The following IKBKE variants were observed in gnomAD, a reference collection of about 807,000 sequenced individuals.
IKBKE encodes inhibitor of nuclear factor kappa-B kinase subunit epsilon.
IKBKE carries 45 observed loss-of-function variants against 92.1 expected under a neutral mutation model. The ratio of observed to expected loss-of-function variants is 0.49; its 90% CI spans 0.38 to 0.63. The LOEUF is 0.63. Ranked by LOEUF, IKBKE falls within the 20% of genes least tolerant of loss-of-function variation. The pLI is 0.00. For missense variants in IKBKE, 700 were observed against 932.8 expected, an observed-to-expected ratio of 0.75 and a Z score of 3.25; for synonymous variants, 374 against 380.3, an observed-to-expected ratio of 0.98 and a Z score of 0.19.
At chr1:206,488,771 A>C (rs368054998) in intron 16 of IKBKE, among the ~76,000 whole-genome samples, 26 of 152,192 alleles carry the variant, frequency 1.7e-4, no homozygotes, top group African/African-American at 6.0e-4. Context: ...TTATCTAAAA[A>C]CCACTGTCCA....
intron 13 of IKBKE, among the ~76,000 whole-genome samples, chr1:206,484,427 T>C (rs1211224241): frequency 2.0e-5 from 3 of 152,206 alleles, no homozygotes; most frequent in Non-Finnish European, 4.4e-5. Flanking sequence ...TACCGTTACA[T>C]TGTCCCTGTA....
At position 206,496,441 on chromosome 1, in the gene IKBKE, C is replaced by T. The variant is rs1167766733; in HGVS notation, c.*296C>T. The T allele has an allele frequency of 4.5e-6, 2 of 439,648 alleles. No individual in the cohort carries two copies. The highest frequency in any genetic ancestry group is 8.3e-6 in the Non-Finnish European group (2 of 242,198). The allele number at this position is 439,648 out of a possible 1,614,324, so 27.2% of individuals were successfully genotyped here. Reference sequence around the variant, plus strand: ...GGCTCAGGTACTGCTCCTCCATGCCCATGGCTGGGCCGTGGGGAGAAGAAG... The same window carrying T: ...GGCTCAGGTACTGCTCCTCCATGCCTATGGCTGGGCCGTGGGGAGAAGAAG... On this transcript the variant is annotated 3_prime_UTR_variant, in exon 22 of 22. Coordinates refer to ENST00000581977, the MANE Select transcript of IKBKE (RefSeq NM_014002.4).
In IKBKE at chr1:206,474,354, G is replaced by A; in HGVS notation, c.111G>A (p.Val37=). ...RNKKSGELVA[V]KVFNTTSYLR... Reference sequence around the variant, plus strand: ...AGAAATCCGGAGAGCTGGTTGCTGTGAAGGTCTTCAACACTACCAGCTACC... The same window carrying A: ...AGAAATCCGGAGAGCTGGTTGCTGTAAAGGTCTTCAACACTACCAGCTACC... Residue 37 remains valine, a synonymous_variant, in exon 4 of 22, where the codon GTG becomes GTA. Coordinates refer to ENST00000581977, the MANE Select transcript of IKBKE (RefSeq NM_014002.4). 1 of 1,613,994 alleles carries A rather than the reference G, an allele frequency of 6.2e-7. No homozygotes were observed. The highest frequency in any genetic ancestry group is 1.1e-5 in the South Asian group (1 of 91,068).
intron 5 of IKBKE, among the ~76,000 whole-genome samples, chr1:206,475,405 G>A (rs1396160065): frequency 6.6e-6 from 1 of 152,190 alleles, no homozygotes; most frequent in Non-Finnish European, 1.5e-5. Flanking sequence ...GGGGGCAGAG[G>A]AGAATGAGGA....
Position 206,494,005 on chromosome 1 carries a change from A to C in IKBKE, c.2117+14A>C, listed in dbSNP as rs782600410. ...CATCATCGAACGGTAAGGAGCTTTC[A>C]CCTTGTGTAGGTCAGGGCCGGGTCT... On this transcript the variant is annotated intron_variant, in intron 21 of 21. Coordinates refer to ENST00000581977, the MANE Select transcript of IKBKE (RefSeq NM_014002.4). The C allele has an allele frequency of 8.7e-6, 14 of 1,612,536 alleles. No individual in the cohort carries two copies. Among genetic ancestry groups the C allele is most frequent in the Non-Finnish European group, 1.1e-5 (13 of 1,178,804 alleles).
At position 206,493,104 on chromosome 1, in the gene IKBKE, G is replaced by A. The variant is rs1284964140; in HGVS notation, c.1917G>A (p.Gln639=). The A allele has an allele frequency of 2.5e-6, 4 of 1,592,376 alleles. No individual in the cohort carries two copies. The highest frequency in any genetic ancestry group is 1.7e-6 in the Non-Finnish European group (2 of 1,170,504). The change falls in exon 19 of 22, where the codon CAG becomes CAA. Residue 639 remains glutamine, a synonymous_variant. Coordinates refer to ENST00000581977, the MANE Select transcript of IKBKE (RefSeq NM_014002.4). ...AACNTEAQGV[Q]ESLSKLLEEL... is the part of the protein sequence containing the mutation. ...GTAACACAGAAGCCCAGGGGGTCCA[G>A]GAGAGTCTCAGCAAGGTGGGCATGG...
chr1:206,480,862 T>C (rs1393283681), intron 13 of IKBKE, among the ~76,000 whole-genome samples: 1 of 152,168 alleles, frequency 6.6e-6, no homozygotes, highest in Non-Finnish European at 1.5e-5. Context: ...GCTCACCCTA[T>C]GCCAAGTGCC....
rs141003735 is a variant in IKBKE at position 206,485,284 on chromosome 1, G to T, written c.1594G>T (p.Asp532Tyr). The change falls in exon 15 of 22, where the codon GAT becomes TAT. Residue 532 changes from aspartate to tyrosine, a missense_variant. By Grantham distance (160) the Asp-to-Tyr change is radical (BLOSUM62 -3). Transcript: ENST00000581977. The surrounding 1 kb of genome is among the most constrained non-coding windows in gnomAD (Gnocchi z 5.0). ...SLNRELVKSR[D>Y]QVHEDRSIQQ... ...GAACCGGGAGCTGGTGAAGAGCCGGGATCAGGTACATGAGGACAGAAGGTC... is the reference window on the plus strand; with the variant it reads ...GAACCGGGAGCTGGTGAAGAGCCGGTATCAGGTACATGAGGACAGAAGGTC... 2.0e-4 allele frequency: 321 copies of T among 1,611,686 alleles called. 1 individual carries two copies. In the African/African-American group the frequency reaches 3.6e-3, roughly 18 times the overall value.
At chr1:206,475,303 G>A (rs552459998) in intron 5 of IKBKE, among the ~76,000 whole-genome samples, 4 of 152,320 alleles carry the variant, frequency 2.6e-5, no homozygotes, top group Non-Finnish European at 5.9e-5. Context: ...ATTATGTTAA[G>A]TGAAAAAAGC....
Position 206,480,151 on chromosome 1 carries a change from G to A in IKBKE, c.1340+38G>A, listed in dbSNP as rs200334664. On this transcript the variant is annotated intron_variant, in intron 12 of 21. Coordinates refer to ENST00000581977, the MANE Select transcript of IKBKE (RefSeq NM_014002.4). ...GAGGGCTGGGCACAGAGGGGGAGGC[G>A]GGCAGGAGAGGGAGGCGGACAGGAG... 400 of 1,413,870 alleles carry A rather than the reference G, an allele frequency of 2.8e-4. 1 individual carries two copies. In the African/African-American group the frequency reaches 4.0e-3, roughly 14 times the overall value. The allele number at this position is 1,413,870 out of a possible 1,614,324, so 87.6% of individuals were successfully genotyped here.
At position 206,475,754 on chromosome 1, in the gene IKBKE, T is replaced by C. The variant is rs184087758; in HGVS notation, c.359-427T>C. Among the ~76,000 whole-genome samples, 734 of 119,896 alleles carry C rather than the reference T, an allele frequency of 6.1e-3. 18 individuals carry two copies. The highest frequency in any genetic ancestry group is 0.03 in the African/African-American group (674 of 22,284). 78.7% of individuals were successfully genotyped at this position (119,896 alleles called of 152,430 possible). ...TCTGTCTCCAAAAAAAAAAAAAAAA[T>C]TGGAGAATGAGAAAAGTTCTAAGAT... On this transcript the variant is annotated intron_variant, in intron 5 of 21. Transcript: ENST00000581977.
intron 16 of IKBKE, among the ~76,000 whole-genome samples, chr1:206,488,783 T>G (rs1277372275): frequency 6.6e-6 from 1 of 152,144 alleles, no homozygotes; most frequent in African/African-American, 2.4e-5. Context: ...CACTGTCCAA[T>G]AGAAATATAA....
chr1:206,485,694 T>G lies in IKBKE; in HGVS notation c.1616+388T>G, dbSNP rs2103473454. On this transcript the variant is annotated intron_variant, in intron 15 of 21. Transcript: ENST00000581977. This position sits in a 1 kb window ranked among gnomAD's most constrained non-coding sequence, Gnocchi z 5.0. ...AATGATGCTATGATAATGCCCTTTT[T>G]ATAGAACCTCAGTCAGTGAGGTTAA... 6.6e-6 allele frequency among the ~76,000 whole-genome samples: 1 copy of G among 152,316 alleles called. No individual in the cohort carries two copies. Among genetic ancestry groups the G allele is most frequent in the African/African-American group, 2.4e-5 (1 of 41,572 alleles).
At position 206,493,071 on chromosome 1, in the gene IKBKE, G is replaced by A. The variant is rs1041897524; in HGVS notation, c.1884G>A (p.Val628=). 3.8e-6 allele frequency: 6 copies of A among 1,590,550 alleles called. No homozygotes were observed. The Admixed American group carries it at 1.1e-4, about 28-fold the overall frequency. The change falls in exon 19 of 22, where the codon GTG becomes GTA. Residue 628 remains valine (V), a synonymous_variant. Transcript: ENST00000581977. ...RNHLRLVGCS[V]AACNTEAQGV... ...ACCTGCGCCTGGTTGGCTGTTCTGT[G>A]GCTGCCTGTAACACAGAAGCCCAGG...
chr1:206,480,272 G>A (rs1243681324), intron 12 of IKBKE, among the ~76,000 whole-genome samples, 159 bp downstream of exon 12: 1 of 129,290 alleles, frequency 7.7e-6, no homozygotes, highest in Non-Finnish European at 1.7e-5. Context: ...TGGGCAGAGA[G>A]GGGGAGGCGG....
At chr1:206,479,693 G>A (rs1665266725) in intron 10 of IKBKE, among the ~76,000 whole-genome samples, 177 bp from the exon 11 acceptor site, 1 of 152,244 alleles carries the variant, frequency 6.6e-6, no homozygotes, top group Non-Finnish European at 1.5e-5. Context: ...CAAGGTGGCA[G>A]TGAGGGATCA....
At chr1:206,484,228 C>A (rs1242628632) in intron 13 of IKBKE, among the ~76,000 whole-genome samples, 1 of 152,036 alleles carries the variant, frequency 6.6e-6, no homozygotes, top group Admixed American at 6.6e-5. Flanking sequence ...TGGTATCAAG[C>A]AATCCTCCCA....
At chr1:206,488,118 G>A (rs782742611) in intron 16 of IKBKE, 128 bp downstream of exon 16, 3 of 688,100 alleles carry the variant, frequency 4.4e-6, no homozygotes, top group Non-Finnish European at 7.8e-6. Flanking sequence ...TCCAGCTGGT[G>A]GTTCTTGGAG....
chr1:206,482,658 C>T (rs555970424), intron 13 of IKBKE, among the ~76,000 whole-genome samples: 47 of 152,358 alleles, frequency 3.1e-4, no homozygotes, highest in Admixed American at 5.9e-4. Flanking sequence ...GGGCCAGGTG[C>T]AGCCTCTTCT....
Sources: allele counts gnomAD v4.1 joint callset (sites outside exome capture counted in the v4.1 genomes callset), GRCh38; gene constraint gnomAD v4.1.1; non-coding constraint Gnocchi (gnomAD v3.1); transcripts MANE v1.5; gene names NCBI Gene and HGNC (gene_info 2026-07-23, HGNC 2026-07-21).